The following TRDN variants were observed in gnomAD, a reference collection of about 807,000 sequenced individuals.
TRDN encodes the protein triadin in skeletal muscle.
In TRDN, 161 loss-of-function variants were observed where a neutral mutation model predicts 149.7. That is an observed-to-expected ratio of 1.08 (90% CI 0.95 to 1.23). TRDN has a LOEUF of 1.23. TRDN is among the 50% of genes most tolerant of loss of function. The pLI is 0.00. For synonymous variants in TRDN, 294 were observed against 250.5 expected, an observed-to-expected ratio of 1.17 and a Z score of -1.64; for missense variants, 896 against 823.5, an observed-to-expected ratio of 1.09 and a Z score of -1.08.
Position 123,217,073 on chromosome 6 carries a change from G to A in TRDN, c.*1528C>T, listed in dbSNP as rs1054198260. Reference sequence around the variant, plus strand: ...CATTCCTGAAATTATACACTTCCAGGATGTCCCACATACCCCATAAAGAGA... The same window carrying A: ...CATTCCTGAAATTATACACTTCCAGAATGTCCCACATACCCCATAAAGAGA... On this transcript the variant is annotated 3_prime_UTR_variant, in exon 41 of 41. Transcript: ENST00000334268. 1 of 151,838 alleles carries A rather than the reference G, an allele frequency of 6.6e-6. No individual in the cohort carries two copies. The highest frequency in any genetic ancestry group is 2.4e-5 in the African/African-American group (1 of 41,358). The allele number at this position is 151,838 out of a possible 1,614,324, so 9.4% of individuals were successfully genotyped here.
chr6:123,316,075 T>C (rs1017235024), intron 24 of TRDN, among the ~76,000 whole-genome samples: 1 of 151,830 alleles, frequency 6.6e-6, no homozygotes, highest in Non-Finnish European at 1.5e-5. Flanking sequence ...TAAAACTCAA[T>C]CCATGATAAT....
chr6:123,249,958 T>G (rs1776317627), intron 38 of TRDN, among the ~76,000 whole-genome samples: 1 of 151,912 alleles, frequency 6.6e-6, no homozygotes, highest in South Asian at 2.1e-4. Context: ...ACCTAAGGAC[T>G]CCACCAAAAA....
At chr6:123,351,051 T>TC in intron 21 of TRDN, 6 of 892,042 alleles carry the variant, frequency 6.7e-6, no homozygotes, top group Non-Finnish European at 7.7e-6. Flanking sequence ...GGGTGTTTTA[T>TC]ATCTAGTCAA....
chr6:123,345,547 T>C (rs1226839964), intron 21 of TRDN, among the ~76,000 whole-genome samples: 1 of 152,048 alleles, frequency 6.6e-6, no homozygotes, highest in Non-Finnish European at 1.5e-5. Context: ...TCTGGGTCTT[T>C]TGCCTTTTCA....
intron 9 of TRDN, among the ~76,000 whole-genome samples, chr6:123,478,846 C>T (rs1777617986): frequency 6.6e-6 from 1 of 152,128 alleles, no homozygotes; most frequent in South Asian, 2.1e-4. Context: ...ACCCATTCCC[C>T]TGAAAACACT....
chr6:123,299,916 A>G (rs188119592), intron 24 of TRDN, among the ~76,000 whole-genome samples: 1 of 152,096 alleles, frequency 6.6e-6, no homozygotes, highest in Admixed American at 6.6e-5. Context: ...ATATGTTCAC[A>G]TGGAGAAAAC....
intron 1 of TRDN, among the ~76,000 whole-genome samples, chr6:123,600,397 A>T (rs992547718): frequency 1.1e-4 from 16 of 151,992 alleles, no homozygotes; most frequent in Non-Finnish European, 2.2e-4. Flanking sequence ...GGAGCTGAGA[A>T]AGGAGGAATG....
At chr6:123,599,508 T>C (rs1784184050) in intron 1 of TRDN, among the ~76,000 whole-genome samples, 4 of 152,116 alleles carry the variant, frequency 2.6e-5, no homozygotes, top group Admixed American at 2.0e-4. Context: ...GTAAAAATCA[T>C]ACTGTTTTTA....
intron 38 of TRDN, among the ~76,000 whole-genome samples, chr6:123,233,628 T>C (rs1029941315): frequency 2.2e-4 from 33 of 152,010 alleles, no homozygotes; most frequent in African/African-American, 7.5e-4. Context: ...ATACACAACC[T>C]TTCTCTGGAG....
intron 9 of TRDN, among the ~76,000 whole-genome samples, chr6:123,491,906 C>T (rs1352309711): frequency 6.6e-6 from 1 of 152,098 alleles, no homozygotes; most frequent in Non-Finnish European, 1.5e-5. Flanking sequence ...AAGCAGTGAG[C>T]TCTGAAATAC....
At chr6:123,629,502 A>G (rs1194590350) in intron 1 of TRDN, among the ~76,000 whole-genome samples, 1 of 152,132 alleles carries the variant, frequency 6.6e-6, no homozygotes, top group Non-Finnish European at 1.5e-5. Context: ...AGTTTCCCCT[A>G]TAAAGAACAG....
chr6:123,439,385 G>T (rs1774752962), intron 10 of TRDN, among the ~76,000 whole-genome samples: 1 of 152,038 alleles, frequency 6.6e-6, no homozygotes, highest in Admixed American at 6.6e-5. Flanking sequence ...TAAACTAGAA[G>T]AATTAATATT....
chr6:123,330,109 G>A (rs558704386), intron 23 of TRDN, among the ~76,000 whole-genome samples: 1 of 151,922 alleles, frequency 6.6e-6, no homozygotes. Flanking sequence ...TATATTTCCA[G>A]ACATCAGAGA....
intron 23 of TRDN, among the ~76,000 whole-genome samples, chr6:123,322,099 A>C (rs1439271135): frequency 6.6e-6 from 1 of 152,140 alleles, no homozygotes; most frequent in Non-Finnish European, 1.5e-5. Context: ...TATGGTCTTG[A>C]CACTTCATGC....
intron 1 of TRDN, among the ~76,000 whole-genome samples, chr6:123,606,237 T>A (rs1277401994): frequency 3.6e-5 from 5 of 139,112 alleles, no homozygotes; most frequent in African/African-American, 1.3e-4. Context: ...GTATCACTCA[T>A]ATTATTTTTA....
At chr6:123,271,548 C>G (rs1276321828) in intron 29 of TRDN, among the ~76,000 whole-genome samples, 1 of 151,914 alleles carries the variant, frequency 6.6e-6, no homozygotes, top group African/African-American at 2.4e-5. Flanking sequence ...TAGGAAGGAG[C>G]AATTTTTTAT....
At chr6:123,399,178 G>A (rs554397206) in intron 12 of TRDN, among the ~76,000 whole-genome samples, 7 of 152,224 alleles carry the variant, frequency 4.6e-5, no homozygotes, top group African/African-American at 1.7e-4. Context: ...TTTACTACAT[G>A]TAGGTCAAAA....
rs1315153378 is a variant in TRDN at position 123,216,812 on chromosome 6, G to C, written c.*1789C>G. 1 of 151,830 alleles carries C rather than the reference G, an allele frequency of 6.6e-6. No homozygotes were observed. The highest frequency in any genetic ancestry group is 1.5e-5 in the Non-Finnish European group (1 of 67,900). The allele number at this position is 151,830 out of a possible 1,614,324, so 9.4% of individuals were successfully genotyped here. A position where few individuals can be genotyped will look rare whatever the true frequency, so the allele number is the denominator to read the frequency against. ...TATTATATTTTTCTTGTACAATACA[G>C]CACCTAACACAGCGCCCTAAAAGAG... On this transcript the variant is annotated 3_prime_UTR_variant, in exon 41 of 41. Transcript: ENST00000334268.
intron 22 of TRDN, among the ~76,000 whole-genome samples, chr6:123,333,954 G>T (rs981335840): frequency 2.6e-5 from 4 of 152,002 alleles, no homozygotes; most frequent in South Asian, 4.1e-4. Context: ...AATTATTGAG[G>T]CACGAACATT....
Sources: gnomAD v4.1 joint callset for allele counts (sites outside exome capture counted in the v4.1 genomes callset) on GRCh38, gnomAD v4.1.1 for gene constraint, MANE v1.5 for transcripts, NCBI Gene and HGNC (gene_info 2026-07-23, HGNC 2026-07-21) for gene names.